Variants in UVSSA observed in about 807,000 individuals in gnomAD.
UVSSA encodes the protein UV stimulated scaffold protein A.
UVSSA carries 72 observed loss-of-function variants against 73.9 expected under a neutral mutation model. That is an observed-to-expected ratio of 0.97 (90% confidence interval 0.81 to 1.19). The LOEUF is 1.19. Among genes scored for constraint, UVSSA ranks in the 50% most tolerant of loss-of-function variants. The pLI, the probability that UVSSA is intolerant of heterozygous loss-of-function variation, is 0.00. For synonymous variants in UVSSA, 454 were observed against 391.3 expected (o/e 1.16, Z -1.89); for missense variants, 1,150 against 965.0 (o/e 1.19, Z -2.54).
At chr4:1,395,581 C>G (rs775063341) in exon 14 of UVSSA, 4 of 1,564,892 alleles carry the variant, frequency 2.6e-6, no homozygotes, top group Admixed American at 3.6e-5. Context: ...CTCACACGTG[C>G]CCATGTGGAG....
rs1577383160 is a variant in UVSSA at position 1,383,747 on chromosome 4, G to T, written c.1862-19G>T. The stretch of plus-strand genomic sequence containing the variant: ...GTCAGTGCCAGACGTCTCCTGAAGT[G>T]CTTGAGTTTTGTTTGCAGAATGGCA... On this transcript the variant is annotated intron_variant, in intron 12 of 13. Coordinates refer to ENST00000389851, the MANE Select transcript of UVSSA (RefSeq NM_020894.4). The T allele has an allele frequency of 6.2e-7, 1 of 1,612,622 alleles. No homozygotes were observed.
chr4:1,354,099 G>A (rs1436987665), intron 5 of UVSSA, among the ~76,000 whole-genome samples: 2 of 152,210 alleles, frequency 1.3e-5, no homozygotes, highest in East Asian at 3.9e-4. Context: ...CCTTCACCAG[G>A]GCCAGGAGGC....
Position 1,387,609 on chromosome 4 carries a change from T to C in UVSSA, c.*1648T>C, listed in dbSNP as rs1720232512. ...CTCTTATGTGTAGATCTTTGATCCATTGTGAATTAAGTTTTGTGTGTGGTG... is the reference window on the plus strand; with the variant it reads ...CTCTTATGTGTAGATCTTTGATCCACTGTGAATTAAGTTTTGTGTGTGGTG... On this transcript the variant is annotated 3_prime_UTR_variant, in exon 14 of 14. Transcript: ENST00000389851. 1 of 135,870 alleles carries C rather than the reference T, an allele frequency of 7.4e-6. No individual in the cohort carries two copies. Among genetic ancestry groups the C allele is most frequent in the Non-Finnish European group, 1.6e-5 (1 of 61,538 alleles). 8.4% of individuals were successfully genotyped at this position (135,870 alleles called of 1,614,324 possible). A position where few individuals can be genotyped will look rare whatever the true frequency, so the allele number is the denominator to read the frequency against.
intron 10 of UVSSA, among the ~76,000 whole-genome samples, chr4:1,378,409 C>T (rs577391099): frequency 1.4e-4 from 22 of 152,294 alleles, no homozygotes; most frequent in African/African-American, 2.9e-4. Flanking sequence ...AAAAATTAGC[C>T]GGGCGTGGTG....
chr4:1,380,847 C>T (rs1255564879), intron 11 of UVSSA, 33 bp from the exon 12 acceptor site: 1 of 1,603,020 alleles, frequency 6.2e-7, no homozygotes, highest in South Asian at 1.1e-5. Context: ...CGGACCCCTC[C>T]CCGCCATCAG....
intron 10 of UVSSA, among the ~76,000 whole-genome samples, chr4:1,376,586 G>T (rs1718798216): frequency 6.6e-6 from 1 of 152,180 alleles, no homozygotes; most frequent in South Asian, 2.1e-4. Flanking sequence ...TCAGGCGGGG[G>T]CTCTGCAAGG....
chr4:1,361,038 C>T (rs1018964778), intron 7 of UVSSA, among the ~76,000 whole-genome samples: 39 of 152,210 alleles, frequency 2.6e-4, no homozygotes, highest in African/African-American at 9.2e-4. Context: ...ATCTGGAGAG[C>T]AACACAGACC....
upstream of UVSSA, among the ~76,000 whole-genome samples, chr4:1,344,027 C>T (rs1323520994): frequency 6.6e-6 from 1 of 151,746 alleles, no homozygotes; most frequent in Non-Finnish European, 1.5e-5. Context: ...AAAGATGTTC[C>T]ATTTTCTTCT....
intron 8 of UVSSA, among the ~76,000 whole-genome samples, chr4:1,369,707 C>G (rs1349647391): frequency 6.6e-6 from 1 of 152,244 alleles, no homozygotes; most frequent in Non-Finnish European, 1.5e-5. Context: ...GCGCAGAGGC[C>G]CCCCTCTCCG....
At chr4:1,352,889 G>C in intron 4 of UVSSA, 141 bp from the exon 5 acceptor site, 1 of 1,170,720 alleles carries the variant, frequency 8.5e-7, no homozygotes, top group East Asian at 2.6e-5. Context: ...AGGCTGGGGT[G>C]AGCTGTGATT....
intron 7 of UVSSA, among the ~76,000 whole-genome samples, chr4:1,363,505 A>C (rs1418907886): frequency 6.6e-6 from 1 of 152,206 alleles, no homozygotes; most frequent in Non-Finnish European, 1.5e-5. Context: ...ATCTGGCACT[A>C]TATGTTATGC....
chr4:1,355,096 G>A, intron 6 of UVSSA, 21 bp from the exon 7 acceptor site: 1 of 1,612,818 alleles, frequency 6.2e-7, no homozygotes, highest in South Asian at 1.1e-5. Context: ...CCCCTGAGCT[G>A]TTCGCACCCC....
upstream of UVSSA, among the ~76,000 whole-genome samples, chr4:1,346,064 G>A (rs1461677553): frequency 6.6e-6 from 1 of 152,228 alleles, no homozygotes; most frequent in Non-Finnish European, 1.5e-5. Context: ...CTGGCTGCAA[G>A]CTAGGAGCTG....
In UVSSA at chr4:1,386,307, G is replaced by C. The variant is rs1004040017; in HGVS notation, c.*346G>C. On this transcript the variant is annotated 3_prime_UTR_variant, in exon 14 of 14. Transcript: ENST00000389851. ...GAATGTGTGTGCAGCTCAGCCTTCAGAGCGTGCATTCCCCAGCCAGGAGGC... is the reference window on the plus strand; with the variant it reads ...GAATGTGTGTGCAGCTCAGCCTTCACAGCGTGCATTCCCCAGCCAGGAGGC... 3.6e-5 allele frequency: 8 copies of C among 220,882 alleles called. No homozygotes were observed. Among genetic ancestry groups the C allele is most frequent in the Non-Finnish European group, 6.4e-5 (7 of 109,058 alleles). 13.7% of individuals were successfully genotyped at this position (220,882 alleles called of 1,614,324 possible).
chr4:1,387,508 C>T lies in UVSSA; in HGVS notation c.*1547C>T, dbSNP rs996201050. ...TTTGTTGCTTATGCTTTTGCTGTCA[C>T]ATTTCAGAAGCCATCACCTAATCCA... On this transcript the variant is annotated 3_prime_UTR_variant, in exon 14 of 14. Coordinates refer to ENST00000389851, the MANE Select transcript of UVSSA (RefSeq NM_020894.4). 6.6e-6 allele frequency: 1 copy of T among 152,224 alleles called. No individual in the cohort carries two copies. Among genetic ancestry groups the T allele is most frequent in the Non-Finnish European group, 1.5e-5 (1 of 68,044 alleles). The allele number at this position is 152,224 out of a possible 1,614,324, so 9.4% of individuals were successfully genotyped here.
At chr4:1,377,386 C>T (rs935484209) in intron 10 of UVSSA, among the ~76,000 whole-genome samples, 6 of 152,200 alleles carry the variant, frequency 3.9e-5, no homozygotes, top group African/African-American at 1.4e-4. Context: ...GATTTGAGGG[C>T]CCCGTCCTCA....
chr4:1,387,510 T>C lies in UVSSA; in HGVS notation c.*1549T>C, dbSNP rs1209867056. The C allele has an allele frequency of 6.6e-6, 1 of 152,260 alleles. No individual in the cohort carries two copies. Among genetic ancestry groups the C allele is most frequent in the Non-Finnish European group, 1.5e-5 (1 of 68,042 alleles). 9.4% of individuals were successfully genotyped at this position (152,260 alleles called of 1,614,324 possible). On this transcript the variant is annotated 3_prime_UTR_variant, in exon 14 of 14. Coordinates refer to ENST00000389851, the MANE Select transcript of UVSSA (RefSeq NM_020894.4). The stretch of plus-strand genomic sequence containing the variant: ...TGTTGCTTATGCTTTTGCTGTCACA[T>C]TTCAGAAGCCATCACCTAATCCAAG...
In UVSSA at chr4:1,395,100, T is replaced by G. The variant is rs1401498853; in HGVS notation, c.*9139T>G. 6.9e-6 allele frequency: 9 copies of G among 1,300,726 alleles called. 1 individual carries two copies. In the East Asian group the frequency reaches 1.6e-4, roughly 24 times the overall value. The allele number at this position is 1,300,726 out of a possible 1,614,324, so 80.6% of individuals were successfully genotyped here. On this transcript the variant is annotated 3_prime_UTR_variant, in exon 14 of 14. Coordinates refer to the UVSSA transcript ENST00000511216. ...CCTGATCACACGTGCCCATGTGGAG[T>G]GCTCGCCTGCTCACACGTGCCGATG...
chr4:1,376,451 A>G (rs11731853), intron 10 of UVSSA, among the ~76,000 whole-genome samples: 45,517 of 151,966 alleles, frequency 0.3, 8,046 homozygotes, highest in Non-Finnish European at 0.4. Context: ...TGGACGAGAA[A>G]CCACTCCCCT....
Sources: gnomAD v4.1 joint callset for allele counts (sites outside exome capture counted in the v4.1 genomes callset) on GRCh38, gnomAD v4.1.1 for gene constraint, MANE v1.5 for transcripts, NCBI Gene and HGNC (gene_info 2026-07-23, HGNC 2026-07-21) for gene names.